Variants in TOP6BL observed in about 807,000 individuals in gnomAD.
TOP6BL encodes the protein type 2 DNA topoisomerase 6 subunit B-like.
At chr11:66,809,910 C>T in the TOP6BL span, among the ~76,000 whole-genome samples, 1 of 152,022 alleles carries the variant, frequency 6.6e-6, no homozygotes, top group South Asian at 2.1e-4. Flanking sequence ...CAGGGTCTCA[C>T]CCCCGAGTTT....
At chr11:66,761,737 A>C in the TOP6BL span, 2 of 776,218 alleles carry the variant, frequency 2.6e-6, no homozygotes, top group Non-Finnish European at 4.6e-6. Flanking sequence ...AGTCCAGGGA[A>C]TCTGTGTTGA....
the TOP6BL span, among the ~76,000 whole-genome samples, chr11:66,750,345 C>T: frequency 2.0e-5 from 3 of 151,934 alleles, no homozygotes; most frequent in South Asian, 2.1e-4. Context: ...GTCAGGGGTT[C>T]GAGATCAGCT....
At chr11:66,786,301 A>G in the TOP6BL span, among the ~76,000 whole-genome samples, 1 of 152,274 alleles carries the variant, frequency 6.6e-6, no homozygotes, top group South Asian at 2.1e-4. Context: ...CTGTCTTAAA[A>G]AAAAAAAAAA....
chr11:66,762,000 CTGT>C, the TOP6BL span: 141 of 1,566,058 alleles, frequency 9.0e-5, no homozygotes, highest in Non-Finnish European at 1.2e-4. Flanking sequence ...TGGTGGGATG[CTGT>C]TGTTAATATT....
the TOP6BL span, chr11:66,838,516 C>A: frequency 2.2e-6 from 3 of 1,386,374 alleles, no homozygotes; most frequent in Non-Finnish European, 3.0e-6. Flanking sequence ...TTCAAACTTT[C>A]AAACTATTCC....
the TOP6BL span, among the ~76,000 whole-genome samples, chr11:66,800,244 A>G: frequency 6.6e-6 from 1 of 152,162 alleles, no homozygotes; most frequent in Non-Finnish European, 1.5e-5. Flanking sequence ...TTAAGGAAGG[A>G]AATAGGGAGT....
the TOP6BL span, among the ~76,000 whole-genome samples, chr11:66,783,643 G>A: frequency 1.3e-5 from 2 of 151,874 alleles, no homozygotes; most frequent in Admixed American, 6.6e-5. Flanking sequence ...CCTGCTTGAC[G>A]TTTGGTAAAA....
the TOP6BL span, chr11:66,788,049 T>A: frequency 1.5e-6 from 1 of 671,728 alleles, no homozygotes; most frequent in Non-Finnish European, 2.6e-6. Context: ...GTAGATAATC[T>A]TTTCATCAGG....
the TOP6BL span, among the ~76,000 whole-genome samples, chr11:66,777,305 AG>A: frequency 4.4e-3 from 675 of 152,010 alleles, 5 homozygotes; most frequent in African/African-American, 0.015. Flanking sequence ...ATAGCAGGAT[AG>A]TTTAGTGTCT....
the TOP6BL span, among the ~76,000 whole-genome samples, chr11:66,782,854 A>G: frequency 3.3e-5 from 5 of 152,234 alleles, no homozygotes; most frequent in South Asian, 8.3e-4. Flanking sequence ...TTCATCTTTA[A>G]CAGTTGAAGA....
At chr11:66,770,601 G>A in the TOP6BL span, among the ~76,000 whole-genome samples, 1 of 152,170 alleles carries the variant, frequency 6.6e-6, no homozygotes, top group Non-Finnish European at 1.5e-5. Context: ...CTACTTGGGA[G>A]GCTGACCCAG....
At chr11:66,759,098 TA>T in the TOP6BL span, 1 of 1,531,966 alleles carries the variant, frequency 6.5e-7, no homozygotes, top group South Asian at 1.3e-5. Context: ...TCCTAAAAGG[TA>T]AAGAATTACC....
chr11:66,832,643 C>T, the TOP6BL span, among the ~76,000 whole-genome samples: 8 of 152,248 alleles, frequency 5.3e-5, no homozygotes. Context: ...TTCTACGATG[C>T]ACTTCCCAGG....
At chr11:66,821,630 T>C in the TOP6BL span, 1 of 1,592,622 alleles carries the variant, frequency 6.3e-7, no homozygotes, top group Non-Finnish European at 8.6e-7. Flanking sequence ...TTTTACCTTC[T>C]CCCTCCCCTT....
the TOP6BL span, among the ~76,000 whole-genome samples, chr11:66,772,652 C>T: frequency 2.0e-5 from 3 of 152,144 alleles, no homozygotes; most frequent in Non-Finnish European, 2.9e-5. Flanking sequence ...TGCCTTTCTT[C>T]CCAGCTACTC....
the TOP6BL span, among the ~76,000 whole-genome samples, chr11:66,745,312 G>A: frequency 1.8e-4 from 27 of 149,400 alleles, no homozygotes; most frequent in Admixed American, 4.0e-4. Flanking sequence ...TGCGGGGCGG[G>A]GTGGGGGGAG....
At chr11:66,751,524 A>G in the TOP6BL span, among the ~76,000 whole-genome samples, 3 of 143,272 alleles carry the variant, frequency 2.1e-5, no homozygotes, top group South Asian at 6.6e-4. Context: ...TTTTATAGAG[A>G]TGAGGTCTCC....
the TOP6BL span, among the ~76,000 whole-genome samples, chr11:66,786,217 G>C: frequency 2.5e-3 from 381 of 152,104 alleles, 1 homozygote; most frequent in Non-Finnish European, 4.5e-3. Flanking sequence ...AGACCCTGTT[G>C]AACCTGGGAG....
the TOP6BL span, among the ~76,000 whole-genome samples, chr11:66,817,268 C>G: frequency 4.6e-5 from 7 of 152,248 alleles, no homozygotes; most frequent in South Asian, 1.5e-3. Context: ...TTAAAAAATG[C>G]ACACCTGTTC....
Sources: gnomAD v4.1 joint callset for allele counts (sites outside exome capture counted in the v4.1 genomes callset) on GRCh38, gnomAD v4.1.1 for gene constraint, MANE v1.5 for transcripts, NCBI Gene and HGNC (gene_info 2026-07-23, HGNC 2026-07-21) for gene names.